The following GALNT16 variants were observed in gnomAD, a reference collection of about 807,000 sequenced individuals.
GALNT16 encodes the protein UDP-GalNAc:polypeptide N-acetylgalactosaminyltransferase-like protein 1.
In GALNT16, 40 loss-of-function variants were observed where a neutral mutation model predicts 76.1. The observed-to-expected ratio is 0.53, with a 90% CI of 0.41 to 0.68. GALNT16 has a LOEUF of 0.68. Among genes scored for constraint, GALNT16 ranks in the 30% least tolerant of loss-of-function variants. GALNT16 has a pLI of 0.00. For synonymous variants in GALNT16, 276 were observed against 285.2 expected (o/e 0.97, Z 0.32); for missense variants, 621 against 731.9 (o/e 0.85, Z 1.75).
chr14:69,332,683 G>C (rs2045366513), intron 7 of GALNT16: 1 of 171,156 alleles, frequency 5.8e-6, no homozygotes, highest in Admixed American at 5.7e-5. Context: ...ACTGGCAGCT[G>C]CCCCTGCCTT....
chr14:69,382,429 A>G, the GALNT16 span, among the ~76,000 whole-genome samples: 1 of 152,196 alleles, frequency 6.6e-6, no homozygotes, highest in Non-Finnish European at 1.5e-5. Context: ...ATTTCTCACA[A>G]TTATCATATC....
At chr14:69,277,686 G>A (rs1308286162) in intron 1 of GALNT16, among the ~76,000 whole-genome samples, 10 of 152,170 alleles carry the variant, frequency 6.6e-5, no homozygotes, top group African/African-American at 2.2e-4. Context: ...ATAAACATAC[G>A]TGTGCATGTG....
the GALNT16 span, among the ~76,000 whole-genome samples, chr14:69,383,282 C>T: frequency 6.6e-6 from 1 of 152,142 alleles, no homozygotes. Flanking sequence ...AGTCATGTTA[C>T]AAAGTAGAAT....
chr14:69,285,217 T>A (rs1271526980), intron 1 of GALNT16, among the ~76,000 whole-genome samples: 4 of 152,058 alleles, frequency 2.6e-5, no homozygotes, highest in Admixed American at 2.0e-4. Context: ...ATTTTTTGTA[T>A]TTTTAGTAGA....
intron 12 of GALNT16, among the ~76,000 whole-genome samples, chr14:69,342,915 C>T (rs542779451): frequency 1.1e-4 from 17 of 152,310 alleles, no homozygotes; most frequent in South Asian, 1.0e-3. Flanking sequence ...TCGTCTCCTC[C>T]ATGTTCCTTG....
intron 1 of GALNT16, among the ~76,000 whole-genome samples, chr14:69,293,587 T>G (rs930682970): frequency 6.6e-6 from 1 of 152,316 alleles, no homozygotes; most frequent in Admixed American, 6.5e-5. Flanking sequence ...TACAGTATGG[T>G]GGTTAAGCAT....
chr14:69,373,982 C>T, the GALNT16 span, among the ~76,000 whole-genome samples: 3 of 152,070 alleles, frequency 2.0e-5, no homozygotes, highest in Non-Finnish European at 2.9e-5. Context: ...GGTTTTGCCA[C>T]GTTGCCCAGG....
At chr14:69,371,797 A>T in the GALNT16 span, among the ~76,000 whole-genome samples, 1 of 151,394 alleles carries the variant, frequency 6.6e-6, no homozygotes, top group Non-Finnish European at 1.5e-5. Context: ...TACAAAAATT[A>T]ACCGGGCGTG....
At chr14:69,379,075 TAGTACAAGCG>T in the GALNT16 span, among the ~76,000 whole-genome samples, 2 of 152,112 alleles carry the variant, frequency 1.3e-5, no homozygotes, top group Non-Finnish European at 2.9e-5. Flanking sequence ...GTAGCTGGGA[TAGTACAAGCG>T]TGTGCCACCA....
intron 14 of GALNT16, chr14:69,350,779 T>C (rs1287592635): frequency 6.6e-6 from 1 of 152,230 alleles, no homozygotes; most frequent in African/African-American, 2.4e-5. Flanking sequence ...CTGCCTCTAA[T>C]CGAAGACACG....
At chr14:69,276,051 G>A (rs542255715) in intron 1 of GALNT16, among the ~76,000 whole-genome samples, 11 of 152,284 alleles carry the variant, frequency 7.2e-5, no homozygotes, top group South Asian at 4.1e-4. Context: ...ATCAGATCTC[G>A]TGAGACTTAT....
Position 69,353,475 on chromosome 14 carries a change from C to T in GALNT16, c.*1307C>T. 6.6e-6 allele frequency: 1 copy of T among 152,496 alleles called. No individual in the cohort carries two copies. The highest frequency in any genetic ancestry group is 1.5e-5 in the Non-Finnish European group (1 of 68,140). The allele number at this position is 152,496 out of a possible 1,614,324, so 9.4% of individuals were successfully genotyped here. A position where few individuals can be genotyped will look rare whatever the true frequency, so the allele number is the denominator to read the frequency against. On this transcript the variant is annotated 3_prime_UTR_variant, in exon 15 of 15. Transcript: ENST00000448469. ...ACCCCACGGCCTTGTCTTGGAACTGCTCCTGCTATCCCCACACCCTGCTTC... is the reference window on the plus strand; with the variant it reads ...ACCCCACGGCCTTGTCTTGGAACTGTTCCTGCTATCCCCACACCCTGCTTC...
At chr14:69,311,406 C>A (rs899975844) in intron 1 of GALNT16, among the ~76,000 whole-genome samples, 2 of 152,202 alleles carry the variant, frequency 1.3e-5, no homozygotes, top group African/African-American at 4.8e-5. Context: ...AATACCACCA[C>A]AATGGGGATT....
chr14:69,303,856 T>C (rs966873576), intron 1 of GALNT16, among the ~76,000 whole-genome samples: 2 of 152,188 alleles, frequency 1.3e-5, no homozygotes, highest in African/African-American at 4.8e-5. Flanking sequence ...TTCAGAGGTA[T>C]AATTATTCAG....
intron 1 of GALNT16, among the ~76,000 whole-genome samples, chr14:69,313,178 C>T (rs1594843008): frequency 6.6e-6 from 1 of 152,206 alleles, no homozygotes; most frequent in African/African-American, 2.4e-5. Context: ...AGTCTTCCCC[C>T]CATACTCTGG....
the GALNT16 span, among the ~76,000 whole-genome samples, chr14:69,374,894 A>T: frequency 6.6e-6 from 1 of 151,968 alleles, no homozygotes; most frequent in East Asian, 1.9e-4. Context: ...AGGGGGACTG[A>T]ACTCACTTTT....
intron 9 of GALNT16, 45 bp from the exon 10 acceptor site, chr14:69,338,606 G>C (rs1279209841): frequency 6.3e-7 from 1 of 1,599,474 alleles, no homozygotes; most frequent in African/African-American, 1.3e-5. Flanking sequence ...ACCCTCACTT[G>C]CCAAGGAACC....
intron 2 of GALNT16, among the ~76,000 whole-genome samples, chr14:69,321,450 C>T (rs767293601): frequency 3.9e-5 from 6 of 152,196 alleles, no homozygotes; most frequent in African/African-American, 7.2e-5. Flanking sequence ...CTCTCTGGGT[C>T]TATGCCCTTG....
chr14:69,385,645 A>G, the GALNT16 span, among the ~76,000 whole-genome samples: 1 of 135,322 alleles, frequency 7.4e-6, no homozygotes, highest in Non-Finnish European at 1.6e-5. Flanking sequence ...TTTAAATAAA[A>G]AAAAGGAAAA....
Sources: gnomAD v4.1 joint callset for allele counts (sites outside exome capture counted in the v4.1 genomes callset) on GRCh38, gnomAD v4.1.1 for gene constraint, MANE v1.5 for transcripts, NCBI Gene and HGNC (gene_info 2026-07-23, HGNC 2026-07-21) for gene names.